The following IL1RAPL2 variants were observed in gnomAD, a reference collection of about 807,000 sequenced individuals.
The protein encoded by IL1RAPL2 is interleukin 1 receptor accessory protein like 2.
In IL1RAPL2, 3 loss-of-function variants were observed where a neutral mutation model predicts 44.1. The observed-to-expected ratio is 0.07, with a 90% CI of 0.03 to 0.18. The LOEUF (loss-of-function observed/expected upper bound fraction) is 0.18. Ranked by LOEUF, IL1RAPL2 falls within the 10% of genes least tolerant of loss-of-function variation. The pLI, the probability that IL1RAPL2 is intolerant of heterozygous loss-of-function variation, is 1.00. For synonymous variants in IL1RAPL2, 181 were observed against 178.8 expected (o/e 1.01, Z -0.10); for missense variants, 391 against 496.4 (o/e 0.79, Z 2.02).
chrX:105,065,620 T>C (rs907624442), intron 2 of IL1RAPL2, among the ~76,000 whole-genome samples: 15 of 111,864 alleles, frequency 1.3e-4, no homozygotes, highest in African/African-American at 4.5e-4. Context: ...ATGAAGAACA[T>C]TGCAAAACGT....
chrX:104,994,891 C>A (rs929709488), intron 2 of IL1RAPL2, among the ~76,000 whole-genome samples: 1 of 110,743 alleles, frequency 9.0e-6, no homozygotes, highest in African/African-American at 3.3e-5. Flanking sequence ...AAGTGAGCAG[C>A]AGGACCCAGT....
intron 3 of IL1RAPL2, among the ~76,000 whole-genome samples, chrX:105,208,426 A>G (rs782413116): frequency 4.5e-5 from 5 of 111,705 alleles, no homozygotes; most frequent in African/African-American, 1.6e-4. Flanking sequence ...CTTAGCATGT[A>G]CTCCAACCAG....
intron 1 of IL1RAPL2, among the ~76,000 whole-genome samples, chrX:104,585,254 A>ATT (rs1928492199): frequency 9.4e-5 from 3 of 32,049 alleles, no homozygotes; most frequent in Non-Finnish European, 1.4e-4. Context: ...TATGATATAT[A>ATT]ATATATATAT....
intron 2 of IL1RAPL2, among the ~76,000 whole-genome samples, chrX:105,138,668 A>G (rs1404721679): frequency 9.0e-6 from 1 of 111,271 alleles, no homozygotes; most frequent in Non-Finnish European, 1.9e-5. Flanking sequence ...CCATGTTCAA[A>G]AGGTTCATTC....
chrX:104,820,075 TTGAC>T (rs1052373225), intron 2 of IL1RAPL2, among the ~76,000 whole-genome samples: 1 of 111,833 alleles, frequency 8.9e-6, no homozygotes, highest in African/African-American at 3.3e-5. Context: ...AAAGAAAAGT[TTGAC>T]TGGTATTAGA....
intron 3 of IL1RAPL2, among the ~76,000 whole-genome samples, chrX:105,217,012 C>T (rs1460705116): frequency 9.2e-6 from 1 of 108,511 alleles, no homozygotes; most frequent in Non-Finnish European, 1.9e-5. Context: ...AGAAGAAAAC[C>T]TAGGCAATAC....
intron 7 of IL1RAPL2, among the ~76,000 whole-genome samples, chrX:105,728,921 G>GTCTT (rs1400158565): frequency 9.1e-6 from 1 of 110,029 alleles, no homozygotes; most frequent in African/African-American, 3.3e-5. Context: ...TCTTTTTTTA[G>GTCTT]TCTTTATAGT....
At chrX:104,675,648 T>G (rs1017236575) in intron 2 of IL1RAPL2, among the ~76,000 whole-genome samples, 1 of 110,880 alleles carries the variant, frequency 9.0e-6, no homozygotes, top group East Asian at 2.8e-4. Flanking sequence ...AATTCCTGGG[T>G]ATCCTTGTTG....
chrX:105,627,900 AGGAAT>A (rs912282405), intron 6 of IL1RAPL2, among the ~76,000 whole-genome samples: 2 of 111,931 alleles, frequency 1.8e-5, no homozygotes, highest in African/African-American at 6.5e-5. Flanking sequence ...TGGCAGGTTC[AGGAAT>A]GGCACCTAAA....
chrX:104,898,227 G>A (rs1035846254), intron 2 of IL1RAPL2, among the ~76,000 whole-genome samples: 3 of 111,386 alleles, frequency 2.7e-5, no homozygotes, highest in Admixed American at 9.5e-5. Context: ...TTTAGGAGTC[G>A]GTAAAACAAT....
intron 6 of IL1RAPL2, among the ~76,000 whole-genome samples, chrX:105,646,197 G>A (rs1332459245): frequency 1.8e-5 from 2 of 111,452 alleles, no homozygotes; most frequent in African/African-American, 3.3e-5. Flanking sequence ...CATAGCAATT[G>A]GCGGGAGGGC....
chrX:105,181,962 G>T (rs1482356317), intron 2 of IL1RAPL2, among the ~76,000 whole-genome samples: 1 of 108,501 alleles, frequency 9.2e-6, no homozygotes, highest in Non-Finnish European at 1.9e-5. Flanking sequence ...AGCTACTCGG[G>T]AGGCTGAGGC....
At chrX:105,169,425 A>G (rs189441353) in intron 2 of IL1RAPL2, among the ~76,000 whole-genome samples, 87 of 106,802 alleles carry the variant, frequency 8.1e-4, no homozygotes, top group Admixed American at 5.4e-3. Flanking sequence ...TGATCCCTGA[A>G]GTCTCTAAAA....
intron 5 of IL1RAPL2, among the ~76,000 whole-genome samples, chrX:105,340,086 C>T (rs1478889517): frequency 9.0e-6 from 1 of 111,664 alleles, no homozygotes; most frequent in African/African-American, 3.3e-5. Context: ...ATCTATCCAA[C>T]TAGTAACTCC....
intron 2 of IL1RAPL2, among the ~76,000 whole-genome samples, chrX:105,165,662 T>A (rs145201886): frequency 0.03 from 3,326 of 112,077 alleles, 147 homozygotes; most frequent in African/African-American, 0.1. Context: ...GTCTCCTATT[T>A]ACTTCACTGG....
intron 2 of IL1RAPL2, among the ~76,000 whole-genome samples, chrX:104,966,881 T>C (rs755100280): frequency 8.9e-6 from 1 of 112,439 alleles, no homozygotes; most frequent in Non-Finnish European, 1.9e-5. Context: ...TTATGGACAC[T>C]GAAATGTGAA....
At chrX:104,853,691 CAGG>C (rs1922283134) in intron 2 of IL1RAPL2, among the ~76,000 whole-genome samples, 1 of 108,956 alleles carries the variant, frequency 9.2e-6, no homozygotes, top group Non-Finnish European at 1.9e-5. Flanking sequence ...ATCACGAGGT[CAGG>C]AGATCGAGAC....
rs73520254 is a variant in IL1RAPL2, at chrX:105,059,093, T to C, written c.83-136382T>C. ...GGGCAAATAGAATATCCATCACCTC[T>C]AGCATTTATTCTTTGTGTTAAAAAC... On this transcript the variant is annotated intron_variant, in intron 2 of 10. Coordinates refer to ENST00000372582, the MANE Select transcript of IL1RAPL2 (RefSeq NM_017416.2). Among the ~76,000 whole-genome samples, 3 of 112,166 alleles carry C rather than the reference T, an allele frequency of 2.7e-5. No homozygotes were observed. In the Admixed American group the frequency reaches 2.8e-4, roughly 11 times the overall value.
At chrX:105,678,895 C>T (rs1183956182) in intron 6 of IL1RAPL2, among the ~76,000 whole-genome samples, 2 of 110,560 alleles carry the variant, frequency 1.8e-5, no homozygotes, top group Non-Finnish European at 3.8e-5. Context: ...CTATAACAAG[C>T]AGAAACATTA....
Sources: allele counts gnomAD v4.1 joint callset (sites outside exome capture counted in the v4.1 genomes callset), GRCh38; gene constraint gnomAD v4.1.1; transcripts MANE v1.5; gene names NCBI Gene and HGNC (gene_info 2026-07-23, HGNC 2026-07-21).